EDRF1: variants seen among roughly 807,000 people sequenced by gnomAD.
The protein encoded by EDRF1 is erythroid differentiation regulatory factor 1, also known as erythroid differentiation-related factor 1.
In EDRF1, 69 loss-of-function variants were observed where a neutral mutation model predicts 148.7. The observed-to-expected ratio is 0.46, with a 90% confidence interval of 0.38 to 0.57. The LOEUF is 0.57. Among genes scored for constraint, EDRF1 ranks in the 20% least tolerant of loss-of-function variants. EDRF1 has a pLI of 0.00. For synonymous variants in EDRF1, 515 were observed against 532.8 expected (o/e 0.97, Z 0.46); for missense variants, 1,118 against 1,478.7 (o/e 0.76, Z 4.00).
At position 125,741,173 on chromosome 10, in the gene EDRF1, T is replaced by C. The variant is rs545157985; in HGVS notation, c.2343T>C (p.His781=). ...YQTKEDQEIL[H]SLHRESSCQG... is the part of the protein sequence containing the mutation. ...CAAAAGAAGACCAGGAGATCCTGCA[T>C]AGCCTTCACAGAGAGTCCAGTTGCC... The change falls in exon 17 of 25, where the codon CAT becomes CAC. Residue 781 remains histidine, a synonymous_variant. Coordinates refer to ENST00000356792, the MANE Select transcript of EDRF1 (RefSeq NM_001202438.2). The C allele has an allele frequency of 1.2e-4, 196 of 1,614,208 alleles. No homozygotes were observed. Among genetic ancestry groups the C allele is most frequent in the Non-Finnish European group, 1.6e-4 (190 of 1,180,034 alleles).
chr10:125,733,353 G>A, intron 9 of EDRF1, 51 bp from the exon 10 acceptor site: 1 of 1,451,026 alleles, frequency 6.9e-7, no homozygotes, highest in South Asian at 1.2e-5. Flanking sequence ...GAAAGGTGTT[G>A]TTTCCTTGGG....
intron 9 of EDRF1, among the ~76,000 whole-genome samples, chr10:125,732,847 C>G (rs1848539321): frequency 1.3e-5 from 2 of 152,076 alleles, no homozygotes; most frequent in African/African-American, 4.8e-5. Context: ...GTAGTAATGT[C>G]CATGAAGCCT....
intron 8 of EDRF1, among the ~76,000 whole-genome samples, chr10:125,729,916 C>T (rs893043876): frequency 6.6e-6 from 1 of 152,166 alleles, no homozygotes; most frequent in Non-Finnish European, 1.5e-5. Flanking sequence ...TCTTAATGCT[C>T]CACGTGTATT....
intron 16 of EDRF1, 120 bp from the exon 17 acceptor site, chr10:125,740,881 A>G: frequency 8.3e-7 from 1 of 1,200,112 alleles, no homozygotes; most frequent in East Asian, 2.3e-5. Flanking sequence ...ACCTAAAATA[A>G]ACAGAATAGA....
chr10:125,719,746 G>A lies in EDRF1; in HGVS notation c.-62G>A, dbSNP rs549470269. ...GTCTCTGGCGCTTACCCTGCTTTGG[G>A]CCTGCGTTGCTGCTGCTGCTCCTCC... On this transcript the variant is annotated 5_prime_UTR_variant, in exon 1 of 25. Transcript: ENST00000356792. 4.5e-5 allele frequency: 62 copies of A among 1,386,950 alleles called. 1 individual carries two copies. Among genetic ancestry groups the A allele is most frequent in the South Asian group, 1.4e-4 (11 of 78,816 alleles). The allele number at this position is 1,386,950 out of a possible 1,614,324, so 85.9% of individuals were successfully genotyped here.
Position 125,723,910 on chromosome 10 carries a change from C to T in EDRF1, c.484C>T (p.Gln162Ter). Residue 162 changes from glutamine (Q) to a stop codon, truncating the protein, a stop_gained, in exon 4 of 25, where the codon CAA becomes TAA. Transcript: ENST00000356792. LOFTEE classifies it high-confidence loss of function. Reference sequence around the variant, plus strand: ...TCTCTTACTAGATGAGCTAGATATTCAAGAACTCTTTATGAGATCGTCTCA... The same window carrying T: ...TCTCTTACTAGATGAGCTAGATATTTAAGAACTCTTTATGAGATCGTCTCA... Reference protein sequence around the residue: ...RTLLLDELDIQELFMRSSQTG... With the variant: ...RTLLLDELDI 1 of 1,613,508 alleles carries T rather than the reference C, an allele frequency of 6.2e-7. No homozygotes were observed.
intron 2 of EDRF1, 76 bp from the exon 3 acceptor site, chr10:125,722,992 C>A: frequency 8.9e-7 from 1 of 1,128,396 alleles, no homozygotes; most frequent in African/African-American, 1.5e-5. Flanking sequence ...CAATGAGCTA[C>A]AGTATTGTTA....
In EDRF1 at chr10:125,745,711, C is replaced by G. The variant is rs769148479; in HGVS notation, c.2595C>G (p.Ser865Arg). The change falls in exon 19 of 25, where the codon AGC becomes AGG. Residue 865 changes from serine to arginine, a missense_variant. Around this residue, in one of 3 missense-constraint regions of EDRF1, gnomAD observed 954 missense variants for 1,241.4 expected, o/e 0.77. Transcript: ENST00000356792. ...TTTCTTTCTTTCTCTGTAAAGTGAGCAAATCTGTGTCTGCTGCCGAGCAAC... is the reference window on the plus strand; with the variant it reads ...TTTCTTTCTTTCTCTGTAAAGTGAGGAAATCTGTGTCTGCTGCCGAGCAAC... ...AAALQSERLV[S>R]KSVSAAEQQL... 6.2e-7 allele frequency: 1 copy of G among 1,614,134 alleles called. No homozygotes were observed. The highest frequency in any genetic ancestry group is 8.5e-7 in the Non-Finnish European group (1 of 1,179,992).
rs1240174519 is a variant in EDRF1 at position 125,753,768 on chromosome 10, C to T, written c.3468C>T (p.Leu1156=). The T allele has an allele frequency of 1.5e-5, 24 of 1,613,964 alleles. No individual in the cohort carries two copies. The highest frequency in any genetic ancestry group is 2.0e-5 in the Non-Finnish European group (24 of 1,180,002). ...SLNREEVMKL[L]SIFESRLSFL... ...ATCGAGAAGAAGTGATGAAACTCCT[C>T]AGTATATTTGAGTCTCGGTTGTCAT... The change falls in exon 24 of 25, where the codon CTC becomes CTT. Residue 1156 remains leucine, a synonymous_variant. Coordinates refer to ENST00000356792, the MANE Select transcript of EDRF1 (RefSeq NM_001202438.2).
At chr10:125,758,893 C>T (rs116990246) in intron 24 of EDRF1, among the ~76,000 whole-genome samples, 2,276 of 152,272 alleles carry the variant, frequency 0.015, 28 homozygotes, top group Admixed American at 0.039. Context: ...ACTGCTCCTG[C>T]ACCCCCACCT....
At chr10:125,741,320 A>C in intron 17 of EDRF1, 119 bp downstream of exon 17, 1 of 1,016,602 alleles carries the variant, frequency 9.8e-7, no homozygotes, top group Non-Finnish European at 1.5e-6. Context: ...CTCTGTATTT[A>C]TTTATTTATT....
At chr10:125,733,022 T>C (rs1196353979) in intron 9 of EDRF1, among the ~76,000 whole-genome samples, 3 of 152,192 alleles carry the variant, frequency 2.0e-5, no homozygotes, top group Non-Finnish European at 4.4e-5. Flanking sequence ...GAAATACATG[T>C]GTTTTAAAAT....
chr10:125,735,064 A>G (rs1170383777), intron 12 of EDRF1, among the ~76,000 whole-genome samples: 1 of 152,160 alleles, frequency 6.6e-6, no homozygotes, highest in Admixed American at 6.5e-5. Context: ...GTTTATTTGG[A>G]TGTTAGAAAT....
chr10:125,741,095 G>A lies in EDRF1; in HGVS notation c.2265G>A (p.Leu755=), dbSNP rs770947630. ...TTTGTGGTGATATCCAACTAATGCTGGCCCAGAATGCAAATAATAGAGCAG... is the reference window on the plus strand; with the variant it reads ...TTTGTGGTGATATCCAACTAATGCTAGCCCAGAATGCAAATAATAGAGCAG... ...LTLCGDIQLM[L]AQNANNRAAH... Residue 755 remains leucine (L), a synonymous_variant, in exon 17 of 25, where the codon CTG becomes CTA. Coordinates refer to ENST00000356792, the MANE Select transcript of EDRF1 (RefSeq NM_001202438.2). 4 of 1,613,934 alleles carry A rather than the reference G, an allele frequency of 2.5e-6. No individual in the cohort carries two copies. In the South Asian group the frequency reaches 4.4e-5, roughly 18 times the overall value.
chr10:125,751,387 A>G (rs925708325), intron 22 of EDRF1, among the ~76,000 whole-genome samples: 5 of 143,846 alleles, frequency 3.5e-5, no homozygotes, highest in African/African-American at 1.3e-4. Flanking sequence ...CTTTTATTCT[A>G]TCTTATTTTA....
intron 22 of EDRF1, chr10:125,752,124 T>C (rs1275503209): frequency 1.3e-5 from 2 of 152,278 alleles, no homozygotes; most frequent in East Asian, 1.9e-4. Context: ...GTAAATCCCA[T>C]TGTTAGGCTA....
chr10:125,733,521 AAAG>A lies in EDRF1; in HGVS notation c.1250_1252del (p.Glu417del), dbSNP rs1848573719. ...ATCATTTTTGAAATCTAATTGTACC[AAAG>A]AAGGACATACCTATTGGCTCTTTAA... is the stretch of plus-strand genomic sequence containing the variant. On this transcript the variant is annotated inframe_deletion, in exon 10 of 25. Transcript: ENST00000356792. 1.9e-6 allele frequency: 3 copies of A among 1,600,324 alleles called. No homozygotes were observed. The highest frequency in any genetic ancestry group is 2.6e-6 in the Non-Finnish European group (3 of 1,167,752).
At chr10:125,725,873 T>C in intron 6 of EDRF1, 35 bp downstream of exon 6, 8 of 1,598,474 alleles carry the variant, frequency 5.0e-6, no homozygotes, top group Non-Finnish European at 6.0e-6. Flanking sequence ...GAAACTCACA[T>C]AGGAAAACAA....
In EDRF1 at chr10:125,743,227, T is replaced by C. The variant is rs1277661036; in HGVS notation, c.2541T>C (p.Ile847=). ...LKRMGNIRNE[I]GVFYMNQAAA... is the part of the protein sequence containing the mutation. ...GAATGGGTAACATTAGAAATGAAAT[T>C]GGTGTGTTTTACATGAATCAGGCTG... is the stretch of plus-strand genomic sequence containing the variant. Residue 847 remains isoleucine, a synonymous_variant, in exon 18 of 25, where the codon ATT becomes ATC. Coordinates refer to ENST00000356792, the MANE Select transcript of EDRF1 (RefSeq NM_001202438.2). 2 of 1,613,728 alleles carry C rather than the reference T, an allele frequency of 1.2e-6. No homozygotes were observed. Among genetic ancestry groups the C allele is most frequent in the Non-Finnish European group, 1.7e-6 (2 of 1,179,898 alleles).
Sources: allele counts gnomAD v4.1 joint callset (sites outside exome capture counted in the v4.1 genomes callset), GRCh38; gene constraint gnomAD v4.1.1; regional missense constraint gnomAD v4.1.1; transcripts MANE v1.5; gene names NCBI Gene and HGNC (gene_info 2026-07-23, HGNC 2026-07-21).